Variants in DLG2 observed in about 807,000 individuals in gnomAD.
DLG2 encodes the protein discs large MAGUK scaffold protein 2.
Under a neutral mutation model 132.5 loss-of-function variants are expected in DLG2, and 45 were observed. The observed-to-expected ratio is 0.34, with a 90% CI of 0.27 to 0.44. The LOEUF (loss-of-function observed/expected upper bound fraction) is 0.44. DLG2 is among the 20% of genes least tolerant of loss of function. The pLI is 1.00. For missense variants in DLG2, 1,045 were observed against 1,196.9 expected (o/e 0.87, Z 1.87); for synonymous variants, 424 against 419.6 (o/e 1.01, Z -0.13).
intron 21 of DLG2, among the ~76,000 whole-genome samples, chr11:83,530,405 T>G (rs12271855): frequency 0.24 from 36,551 of 151,734 alleles, 5,096 homozygotes; most frequent in African/African-American, 0.36. Flanking sequence ...CCTGAGAAAT[T>G]ATAGCTTTTT....
At chr11:84,401,646 C>A (rs958225413) in intron 7 of DLG2, among the ~76,000 whole-genome samples, 13 of 152,162 alleles carry the variant, frequency 8.5e-5, no homozygotes, top group Non-Finnish European at 2.9e-5. Context: ...CTGGACCCAG[C>A]AAAAGAGTTA....
At chr11:83,628,090 G>C (rs1166863448) in intron 19 of DLG2, among the ~76,000 whole-genome samples, 1 of 152,126 alleles carries the variant, frequency 6.6e-6, no homozygotes, top group Non-Finnish European at 1.5e-5. Flanking sequence ...ATTTGTTTGA[G>C]TTCATTGTAG....
At chr11:83,990,290 T>C (rs1429384682) in intron 11 of DLG2, among the ~76,000 whole-genome samples, 3 of 152,130 alleles carry the variant, frequency 2.0e-5, no homozygotes, top group Admixed American at 6.6e-5. Context: ...CAGGATTACA[T>C]CAATTATAGA....
intron 11 of DLG2, among the ~76,000 whole-genome samples, chr11:83,995,352 G>A (rs1308231506): frequency 6.6e-6 from 1 of 152,124 alleles, no homozygotes. Context: ...TAGAAATAGA[G>A]GCTCATGAGG....
At chr11:84,873,417 G>A (rs1412790548) in intron 6 of DLG2, among the ~76,000 whole-genome samples, 3 of 152,146 alleles carry the variant, frequency 2.0e-5, no homozygotes, top group Non-Finnish European at 4.4e-5. Context: ...ACTCATTTTT[G>A]ACTTCTGACT....
chr11:84,883,329 G>T (rs1266910296), intron 6 of DLG2, among the ~76,000 whole-genome samples: 1 of 151,978 alleles, frequency 6.6e-6, no homozygotes, highest in Non-Finnish European at 1.5e-5. Context: ...GACAAGGGGA[G>T]GGATAGCATT....
chr11:85,134,716 A>T (rs1381452735), intron 5 of DLG2, among the ~76,000 whole-genome samples: 1 of 152,030 alleles, frequency 6.6e-6, no homozygotes. Context: ...ATTTTACCCA[A>T]ATGAGAGCAC....
In DLG2 at chr11:83,787,747, C is replaced by T. The variant is rs372619036; in HGVS notation, c.1723-955G>A. Among the ~76,000 whole-genome samples, 1,340 of 152,328 alleles carry T rather than the reference C, an allele frequency of 8.8e-3. 24 individuals are homozygous for T. The highest frequency in any genetic ancestry group is 0.03 in the African/African-American group (1,256 of 41,558). ...TATTGCTAACTCCCATTTTGGGTCCCATACTGAAAGAGAAACAGAAATGTC... is the reference window on the plus strand; with the variant it reads ...TATTGCTAACTCCCATTTTGGGTCCTATACTGAAAGAGAAACAGAAATGTC... On this transcript the variant is annotated intron_variant, in intron 17 of 27. Transcript: ENST00000376104.
At chr11:84,582,269 G>T (rs988705850) in intron 6 of DLG2, among the ~76,000 whole-genome samples, 1 of 150,808 alleles carries the variant, frequency 6.6e-6, no homozygotes, top group Non-Finnish European at 1.5e-5. Flanking sequence ...GAATTGCAGG[G>T]ATCAAAATTA....
At chr11:83,854,492 T>C (rs555606451) in intron 16 of DLG2, among the ~76,000 whole-genome samples, 34 of 152,188 alleles carry the variant, frequency 2.2e-4, no homozygotes, top group African/African-American at 8.2e-4. Context: ...CAGTATGGTA[T>C]TGGTGAAAGA....
At chr11:84,723,807 T>C (rs1014434438) in intron 6 of DLG2, among the ~76,000 whole-genome samples, 1 of 152,162 alleles carries the variant, frequency 6.6e-6, no homozygotes, top group Non-Finnish European at 1.5e-5. Context: ...TGATAAAATT[T>C]ACAGTTCTTC....
chr11:85,359,263 C>G (rs146119231), intron 3 of DLG2, among the ~76,000 whole-genome samples: 1 of 152,132 alleles, frequency 6.6e-6, no homozygotes, highest in Non-Finnish European at 1.5e-5. Context: ...GGAAGCAATC[C>G]GCTTCATTCA....
chr11:85,507,727 G>A (rs2093967682), intron 3 of DLG2, among the ~76,000 whole-genome samples: 1 of 152,118 alleles, frequency 6.6e-6, no homozygotes, highest in East Asian at 1.9e-4. Flanking sequence ...GGTGTTCTCT[G>A]TATTTCCTGA....
At chr11:84,511,033 A>G (rs1017224414) in intron 7 of DLG2, among the ~76,000 whole-genome samples, 3 of 152,158 alleles carry the variant, frequency 2.0e-5, no homozygotes, top group Non-Finnish European at 4.4e-5. Context: ...AGGAAATATC[A>G]ACTAGACTCC....
intron 10 of DLG2, among the ~76,000 whole-genome samples, chr11:84,060,727 TGTATATCCATTCTA>T (rs1305820653): frequency 6.6e-6 from 1 of 152,174 alleles, no homozygotes; most frequent in Non-Finnish European, 1.5e-5. Flanking sequence ...TCCCTCACTC[TGTATATCCATTCTA>T]GTGTCCCCAA....
intron 6 of DLG2, among the ~76,000 whole-genome samples, chr11:84,847,837 G>T (rs555774794): frequency 3.3e-5 from 5 of 152,180 alleles, no homozygotes; most frequent in Non-Finnish European, 7.4e-5. Flanking sequence ...AAATGTATGG[G>T]TGTGCCTTCT....
chr11:85,430,815 C>T (rs1438355389), intron 3 of DLG2, among the ~76,000 whole-genome samples: 2 of 143,396 alleles, frequency 1.4e-5, no homozygotes, highest in African/African-American at 5.2e-5. Flanking sequence ...AAATCATTGT[C>T]GTGAGTTTTT....
intron 21 of DLG2, among the ~76,000 whole-genome samples, chr11:83,514,249 C>T (rs1234793166): frequency 2.6e-5 from 4 of 152,194 alleles, no homozygotes; most frequent in African/African-American, 9.7e-5. Context: ...CTTCACATCT[C>T]CTGTAAGTTG....
chr11:83,896,238 C>T (rs922558806), intron 15 of DLG2, among the ~76,000 whole-genome samples: 3 of 152,184 alleles, frequency 2.0e-5, no homozygotes, highest in South Asian at 2.1e-4. Context: ...TTCTGCTCTG[C>T]TCCAATAAAC....
Sources: gnomAD v4.1 joint callset for allele counts (sites outside exome capture counted in the v4.1 genomes callset) on GRCh38, gnomAD v4.1.1 for gene constraint, MANE v1.5 for transcripts, NCBI Gene and HGNC (gene_info 2026-07-23, HGNC 2026-07-21) for gene names.